Variants in DNAH3 observed in about 807,000 individuals in gnomAD.
The protein encoded by DNAH3 is axonemal beta dynein heavy chain 3.
A neutral mutation model predicts 432.5 loss-of-function variants in DNAH3; 332 were observed. The observed-to-expected ratio is 0.77, with a 90% CI of 0.70 to 0.84. The LOEUF is 0.84. Among genes scored for constraint, DNAH3 ranks in the 40% least tolerant of loss-of-function variants. The probability of loss-of-function intolerance (pLI) is 0.00; values close to 1 mark genes in which losing one functional copy is unlikely to be tolerated. For missense variants in DNAH3, 4,861 were observed against 5,114.0 expected (o/e 0.95, Z 1.51); for synonymous variants, 1,956 against 1,900.2 (o/e 1.03, Z -0.76).
exon 62 of DNAH3, chr16:20,933,158 T>A: frequency 6.2e-7 from 1 of 1,608,284 alleles, no homozygotes; most frequent in East Asian, 2.2e-5. Context: ...ATGCCATCAG[T>A]TATCCAGCTG....
At chr16:21,051,810 T>C (rs751053827) in exon 29 of DNAH3, 4 of 1,614,050 alleles carry the variant, frequency 2.5e-6, no homozygotes, top group East Asian at 2.2e-5. Context: ...GTGAGATCCA[T>C]TGGAAATCAT....
intron 14 of DNAH3, among the ~76,000 whole-genome samples, chr16:21,108,850 G>A (rs964322008): frequency 6.6e-6 from 1 of 152,028 alleles, no homozygotes. Flanking sequence ...GGCTGGGTGC[G>A]GTGGCTCACC....
chr16:20,964,062 T>C (rs1251966553), exon 53 of DNAH3: 3 of 1,614,230 alleles, frequency 1.9e-6, no homozygotes, highest in Non-Finnish European at 2.5e-6. Context: ...TCTGTTTCTC[T>C]GAGATCTCTT....
At position 21,075,337 on chromosome 16, in the gene DNAH3, G is replaced by A. The variant is rs1468652736; in HGVS notation, c.3084+110C>T. ...AGTAGGAAACAATCAAGACATGAGC[G>A]ATTATTTCTCTGTGAGTTCTGTTGC... On this transcript the variant is annotated intron_variant, in intron 21 of 61. Transcript: ENST00000261383. 28 of 804,304 alleles carry A rather than the reference G, an allele frequency of 3.5e-5. No individual in the cohort carries two copies. In the East Asian group the frequency reaches 3.5e-4, roughly 10 times the overall value. 49.8% of individuals were successfully genotyped at this position (804,304 alleles called of 1,614,324 possible). A position where few individuals can be genotyped will look rare whatever the true frequency, so the allele number is the denominator to read the frequency against.
In DNAH3 at chr16:20,974,085, G is replaced by A. The variant is rs182755648; in HGVS notation, c.8259+1148C>T. Among the ~76,000 whole-genome samples, 169 of 152,026 alleles carry A rather than the reference G, an allele frequency of 1.1e-3. No individual in the cohort carries two copies. In the Middle Eastern group the frequency reaches 0.014, roughly 12 times the overall value. On this transcript the variant is annotated intron_variant, in intron 51 of 61. Coordinates refer to ENST00000261383, the Ensembl canonical transcript of DNAH3. Reference sequence around the variant, plus strand: ...CACCCAGGCTGGAGTGCAGTGGTGCGACCTGGACCCACTGTAGCCTCGACC... The same window carrying A: ...CACCCAGGCTGGAGTGCAGTGGTGCAACCTGGACCCACTGTAGCCTCGACC...
chr16:21,140,410 G>T, intron 5 of DNAH3, 126 bp downstream of exon 6: 1 of 987,640 alleles, frequency 1.0e-6, no homozygotes, highest in Non-Finnish European at 1.5e-6. Flanking sequence ...GCCTGTCTTG[G>T]GTCTAGACTT....
chr16:20,981,028 A>G (rs539031198), intron 49 of DNAH3, among the ~76,000 whole-genome samples: 1 of 152,340 alleles, frequency 6.6e-6, no homozygotes, highest in East Asian at 1.9e-4. Flanking sequence ...AGGCCCATGA[A>G]CCATAGTTTG....
chr16:21,074,620 A>G (rs2090910181), intron 21 of DNAH3, among the ~76,000 whole-genome samples: 1 of 152,130 alleles, frequency 6.6e-6, no homozygotes, highest in South Asian at 2.1e-4. Flanking sequence ...AGGCTGAGGT[A>G]TGAGAATCGC....
At chr16:21,073,878 TCTTG>T (rs1311410853) in intron 21 of DNAH3, among the ~76,000 whole-genome samples, 1 of 152,138 alleles carries the variant, frequency 6.6e-6, no homozygotes, top group Admixed American at 6.5e-5. Flanking sequence ...CAACAGCAGG[TCTTG>T]CTAGGCTTCC....
chr16:20,947,775 T>G (rs535419526), intron 57 of DNAH3, among the ~76,000 whole-genome samples: 19 of 152,210 alleles, frequency 1.2e-4, no homozygotes, highest in African/African-American at 2.9e-4. Flanking sequence ...AAGTGGTTTT[T>G]TTTGTTTGTT....
chr16:20,989,872 G>C (rs928159165), intron 44 of DNAH3, among the ~76,000 whole-genome samples: 1 of 152,252 alleles, frequency 6.6e-6, no homozygotes, highest in African/African-American at 2.4e-5. Flanking sequence ...ACCCTCCGCA[G>C]CCGCTGGCCG....
In DNAH3 at chr16:21,036,711, A is replaced by T; in HGVS notation, c.5085+3T>A. On this transcript the variant is annotated splice_donor_region_variant and intron_variant, in intron 35 of 61. Transcript: ENST00000261383. ...GCACATTTATATGGGCTAAGGAACCAACCTGGATAATTTTCCCTATAAACC... is the reference window on the plus strand; with the variant it reads ...GCACATTTATATGGGCTAAGGAACCTACCTGGATAATTTTCCCTATAAACC... 1 of 1,613,952 alleles carries T rather than the reference A, an allele frequency of 6.2e-7. No individual in the cohort carries two copies. Among genetic ancestry groups the T allele is most frequent in the South Asian group, 1.1e-5 (1 of 90,968 alleles).
intron 16 of DNAH3, among the ~76,000 whole-genome samples, chr16:21,102,793 A>AT (rs2091866323): frequency 1.3e-5 from 2 of 152,118 alleles, no homozygotes; most frequent in African/African-American, 4.8e-5. Flanking sequence ...AAAGTGGTAG[A>AT]TATATAGAGT....
intron 37 of DNAH3, among the ~76,000 whole-genome samples, chr16:21,029,898 C>T (rs1343226561): frequency 6.6e-6 from 1 of 152,148 alleles, no homozygotes; most frequent in Non-Finnish European, 1.5e-5. Context: ...AATGAAGGCT[C>T]ACAGTAGCCA....
intron 54 of DNAH3, among the ~76,000 whole-genome samples, chr16:20,958,842 G>A (rs115020135): frequency 0.026 from 3,899 of 152,080 alleles, 185 homozygotes; most frequent in African/African-American, 0.089. Context: ...ATCCCTGCTC[G>A]CTACAACCTC....
chr16:20,985,177 T>TC lies in DNAH3; in HGVS notation c.7564dup (p.Glu2522GlyfsTer4). On this transcript the variant is annotated frameshift_variant, in exon 48 of 62. Transcript: ENST00000261383. LOFTEE classifies it high-confidence loss of function. ...CATCTTCTCCACGATGTCAGCCTTC[T>TC]CGTCAGCAGGGAAGATGTTAGGCAC... 1 of 1,614,230 alleles carries TC rather than the reference T, an allele frequency of 6.2e-7. No homozygotes were observed. The highest frequency in any genetic ancestry group is 8.5e-7 in the Non-Finnish European group (1 of 1,180,038).
chr16:21,068,325 T>TGGGGGGGGGGGG (rs10547729), intron 23 of DNAH3, among the ~76,000 whole-genome samples: 2 of 76,662 alleles, frequency 2.6e-5, no homozygotes, highest in African/African-American at 4.6e-5. Context: ...TTTTTTTGGG[T>TGGGGGGGGGGGG]GGGGGGGGGG....
intron 3 of DNAH3, 54 bp downstream of exon 4, chr16:21,145,127 T>A (rs1268433827): frequency 2.1e-6 from 3 of 1,404,314 alleles, no homozygotes; most frequent in Non-Finnish European, 9.8e-7. Context: ...AATAAATAAA[T>A]AAAAATTTCC....
At chr16:20,983,894 G>T (rs1597050593) in intron 48 of DNAH3, among the ~76,000 whole-genome samples, 1 of 152,002 alleles carries the variant, frequency 6.6e-6, no homozygotes, top group Non-Finnish European at 1.5e-5. Flanking sequence ...GGGCATCGTG[G>T]TGTGTGCCTG....
Sources: gnomAD v4.1 joint callset for allele counts (sites outside exome capture counted in the v4.1 genomes callset) on GRCh38, gnomAD v4.1.1 for gene constraint, MANE v1.5 for transcripts, NCBI Gene and HGNC (gene_info 2026-07-23, HGNC 2026-07-21) for gene names.